The following TRIM14 variants were observed in gnomAD, a reference collection of about 807,000 sequenced individuals.
The protein encoded by TRIM14 is tripartite motif-containing protein 14.
Under a neutral mutation model 44.5 loss-of-function variants are expected in TRIM14, and 28 were observed. The observed-to-expected ratio is 0.63, with a 90% CI of 0.47 to 0.86. The LOEUF is 0.86. Among genes scored for constraint, TRIM14 ranks in the 40% least tolerant of loss-of-function variants. TRIM14 has a pLI of 0.00. For synonymous variants in TRIM14, 299 were observed against 269.2 expected, an observed-to-expected ratio of 1.11 and a Z score of -1.08; for missense variants, 607 against 611.1, an observed-to-expected ratio of 0.99 and a Z score of 0.07.
the TRIM14 span, chr9:98,056,888 A>G: frequency 1.2e-6 from 2 of 1,611,288 alleles, no homozygotes; most frequent in South Asian, 2.2e-5. Context: ...GAGATCGGCC[A>G]GAACCACCAG....
At chr9:98,092,511 C>A (rs1175164788) in intron 4 of TRIM14, 4 of 430,356 alleles carry the variant, frequency 9.3e-6, no homozygotes, top group Admixed American at 5.1e-5. Flanking sequence ...CGCAGAAGTG[C>A]CTTCCGCCCC....
chr9:98,100,055 T>C lies in TRIM14; in HGVS notation c.413A>G (p.Gln138Arg), dbSNP rs147144578. ...LAKKFIDKNT[Q>R]LTLQVYREQA... is the part of the protein sequence containing the mutation. ...TTCCCTGTACACCTGGAGGGTAAGC[T>C]GCGTGTTTTTATCAATGAATTTCTT... is the stretch of plus-strand genomic sequence containing the variant. Residue 138 changes from glutamine (Q) to arginine (R), a missense_variant, in exon 3 of 6, where the codon CAG (glutamine) becomes CGG (arginine). This residue lies in a region of TRIM14 where 246 missense variants were observed against 270.8 expected (regional missense o/e 0.91). Coordinates refer to ENST00000341469, the MANE Select transcript of TRIM14 (RefSeq NM_014788.4). 2.5e-6 allele frequency: 4 copies of C among 1,614,106 alleles called. No homozygotes were observed. The African/African-American group carries it at 5.3e-5, about 22-fold the overall frequency.
At chr9:98,043,263 C>T in the TRIM14 span, among the ~76,000 whole-genome samples, 6 of 152,024 alleles carry the variant, frequency 3.9e-5, no homozygotes, top group Admixed American at 3.9e-4. Context: ...CTGCAACCTC[C>T]CCCTCCTGGG....
chr9:98,080,922 G>A (rs1829825424), downstream of TRIM14: 7 of 1,614,082 alleles, frequency 4.3e-6, no homozygotes, highest in African/African-American at 1.3e-5. Context: ...GTGTTGGAAC[G>A]TCACATAACT....
At chr9:98,117,276 TTTTATTTATTTATTTA>T (rs55719181) in intron 1 of TRIM14, among the ~76,000 whole-genome samples, 18 of 147,530 alleles carry the variant, frequency 1.2e-4, no homozygotes, top group Admixed American at 9.5e-4. Context: ...AGATTCTCTG[TTTTATTTATTTATTTA>T]TTTATTTATT....
rs1278881486 is a variant in TRIM14, at chr9:98,119,177, C to T, written c.12G>A (p.Ala4=). ...TCCCAGGGGTCCGGCTCCCGGTCGC[C>T]GCGCCCGCCATTCATCTCCACCTCC... is the stretch of plus-strand genomic sequence containing the variant. MAG[A]ATGSRTPGRS... is the part of the protein sequence containing the mutation. Residue 4 remains alanine (A), a synonymous_variant, in exon 1 of 6, where the codon GCG becomes GCA. Coordinates refer to ENST00000341469, the MANE Select transcript of TRIM14 (RefSeq NM_014788.4). The T allele has an allele frequency of 1.3e-6, 2 of 1,574,018 alleles. No individual in the cohort carries two copies. The highest frequency in any genetic ancestry group is 1.7e-6 in the Non-Finnish European group (2 of 1,170,472).
the TRIM14 span, among the ~76,000 whole-genome samples, chr9:98,051,122 G>A: frequency 0.34 from 51,391 of 152,018 alleles, 11,578 homozygotes; most frequent in African/African-American, 0.63. Context: ...AAGAGAGACC[G>A]TTTGATATTC....
intron 2 of TRIM14, among the ~76,000 whole-genome samples, chr9:98,109,494 C>T (rs1826762825): frequency 6.6e-6 from 1 of 152,108 alleles, no homozygotes; most frequent in African/African-American, 2.4e-5. Context: ...CAGATCTTAC[C>T]CTACTTGCTT....
At chr9:98,108,809 G>A (rs1285643611) in intron 2 of TRIM14, among the ~76,000 whole-genome samples, 1 of 151,758 alleles carries the variant, frequency 6.6e-6, no homozygotes, top group Non-Finnish European at 1.5e-5. Context: ...CTGGTCACAG[G>A]AGAAACTGGG....
At chr9:98,036,500 G>GAAAAAAAAAAAAAAAAA in the TRIM14 span, among the ~76,000 whole-genome samples, 1 of 102,532 alleles carries the variant, frequency 9.8e-6, no homozygotes, top group Non-Finnish European at 1.9e-5. Flanking sequence ...GACTCCATCT[G>GAAAAAAAAAAAAAAAAA]AAAAAAAAAA....
intron 1 of TRIM14, among the ~76,000 whole-genome samples, chr9:98,118,357 C>G (rs1827127412): frequency 1.3e-5 from 2 of 152,180 alleles, no homozygotes; most frequent in African/African-American, 4.8e-5. Context: ...AGGCCTGCCC[C>G]TGCCTCCAGA....
In TRIM14 at chr9:98,087,584, G is replaced by C; in HGVS notation, c.1215C>G (p.Tyr405Ter). 6.3e-7 allele frequency: 1 copy of C among 1,599,038 alleles called. No homozygotes were observed. The highest frequency in any genetic ancestry group is 8.5e-7 in the Non-Finnish European group (1 of 1,175,660). Residue 405 changes from tyrosine to a stop codon, truncating the protein, a stop_gained, in exon 6 of 6, where the codon TAC becomes TAG. Coordinates refer to ENST00000341469, the MANE Select transcript of TRIM14 (RefSeq NM_014788.4). LOFTEE classifies it high-confidence loss of function. ...GGTGGCTCATGCCGCCCGTCACGTC[G>C]TAGAAGGCGAGGACGCCGGCCTCGT... is the stretch of plus-strand genomic sequence containing the variant. ...LDYEAGVLAF[Y>*]DVTGGMSHLH...
At chr9:98,057,782 A>G in the TRIM14 span, among the ~76,000 whole-genome samples, 5 of 151,934 alleles carry the variant, frequency 3.3e-5, no homozygotes. Flanking sequence ...TCCCTTCATC[A>G]ATGCTACTCA....
rs543677793 is a variant in TRIM14 at position 98,087,765 on chromosome 9, C to T, written c.1034G>A (p.Arg345Gln). The T allele has an allele frequency of 6.5e-7, 1 of 1,530,252 alleles. No individual in the cohort carries two copies. Among genetic ancestry groups the T allele is most frequent in the Non-Finnish European group, 8.7e-7 (1 of 1,149,106 alleles). 94.8% of individuals were successfully genotyped at this position (1,530,252 alleles called of 1,614,324 possible). ...WWVGAAYASL[R>Q]RRGASAAARL... ...GGCGGCGGCCGAGGCCCCGCGGCGC[C>T]GAAGGGAGGCGTAGGCCGCGCCCAC... Residue 345 changes from arginine (R) to glutamine (Q), a missense_variant, in exon 6 of 6, where the codon CGG (arginine) becomes CAG (glutamine). Transcript: ENST00000341469.
chr9:98,102,899 G>A (rs1186471267), intron 2 of TRIM14, among the ~76,000 whole-genome samples: 1 of 152,104 alleles, frequency 6.6e-6, no homozygotes, highest in Non-Finnish European at 1.5e-5. Context: ...CAAAAACAAT[G>A]CAGTAGGCTG....
downstream of TRIM14, among the ~76,000 whole-genome samples, chr9:98,068,361 A>G (rs1035294217): frequency 1.6e-4 from 25 of 152,004 alleles, no homozygotes; most frequent in Non-Finnish European, 3.2e-4. Context: ...GCTGGTCTCG[A>G]ACTCCTGATC....
chr9:98,056,842 T>G, the TRIM14 span: 4 of 1,522,740 alleles, frequency 2.6e-6, no homozygotes, highest in Non-Finnish European at 3.6e-6. Context: ...TCCCGGGCGC[T>G]GGGTGGGCGG....
chr9:98,062,702 C>T, the TRIM14 span, among the ~76,000 whole-genome samples: 9 of 151,208 alleles, frequency 6.0e-5, no homozygotes, highest in African/African-American at 1.5e-4. Flanking sequence ...TTAATAGCAA[C>T]GTAATATTTC....
chr9:98,117,697 G>T (rs1442693506), intron 1 of TRIM14, among the ~76,000 whole-genome samples: 1 of 152,204 alleles, frequency 6.6e-6, no homozygotes, highest in African/African-American at 2.4e-5. Flanking sequence ...AGAGTGGATA[G>T]TCACAGAAAT....
Sources: gnomAD v4.1 joint callset for allele counts (sites outside exome capture counted in the v4.1 genomes callset) on GRCh38, gnomAD v4.1.1 for gene constraint, gnomAD v4.1.1 regional missense constraint, MANE v1.5 for transcripts, NCBI Gene and HGNC (gene_info 2026-07-23, HGNC 2026-07-21) for gene names.